NUTM2F: variants seen among roughly 807,000 people sequenced by gnomAD.
NUTM2F encodes family with sequence similarity 22, member F.
A neutral mutation model predicts 43.3 loss-of-function variants in NUTM2F; 22 were observed. The observed-to-expected ratio is 0.51, with a 90% confidence interval of 0.36 to 0.73. The LOEUF (loss-of-function observed/expected upper bound fraction) is 0.73. NUTM2F is among the 30% of genes least tolerant of loss of function. The probability of loss-of-function intolerance (pLI) is 0.00; values close to 1 mark genes in which losing one functional copy is unlikely to be tolerated. For missense variants in NUTM2F, 488 were observed against 927.4 expected (o/e 0.53, Z 6.15); for synonymous variants, 202 against 389.0 (o/e 0.52, Z 5.66).
At chr9:94,321,931 G>A (rs549055163) in intron 3 of NUTM2F, among the ~76,000 whole-genome samples, 1 of 151,736 alleles carries the variant, frequency 6.6e-6, no homozygotes, top group African/African-American at 2.4e-5. Context: ...TTTGGGCTGC[G>A]ATGCTGGCTG....
Position 94,325,516 on chromosome 9 carries a change from C to T in NUTM2F, c.435G>A (p.Gln145=). ...CATGGGACCAGCCTCCCTCACAGGC[C>T]TGGGTGCCCCCAACCACCTGGGCAG... The part of the protein sequence containing the change: ...VTSAQVVGGT[Q]ACEGGWSHGL... Residue 145 remains glutamine, a synonymous_variant, in exon 2 of 7, where the codon CAG becomes CAA. Transcript: ENST00000253262. The T allele has an allele frequency of 2.9e-6, 4 of 1,365,276 alleles. No homozygotes were observed. The highest frequency in any genetic ancestry group is 3.9e-6 in the Non-Finnish European group (4 of 1,017,776). 84.6% of individuals were successfully genotyped at this position (1,365,276 alleles called of 1,614,324 possible). A position where few individuals can be genotyped will look rare whatever the true frequency, so the allele number is the denominator to read the frequency against.
intron 2 of NUTM2F, among the ~76,000 whole-genome samples, chr9:94,323,752 C>T (rs1422487750): frequency 3.9e-5 from 6 of 152,142 alleles, no homozygotes; most frequent in South Asian, 2.1e-4. Flanking sequence ...GGGGGATTGA[C>T]GGTGAAGATG....
At position 94,320,953 on chromosome 9, in the gene NUTM2F, C is replaced by A; in HGVS notation, c.982+140G>T. 3 of 1,421,698 alleles carry A rather than the reference C, an allele frequency of 2.1e-6. No homozygotes were observed. Among genetic ancestry groups the A allele is most frequent in the South Asian group, 1.5e-5 (1 of 68,440 alleles). 88.1% of individuals were successfully genotyped at this position (1,421,698 alleles called of 1,614,324 possible). ...AAGTAGGTATTCACCTGGTCAATAC[C>A]CAACATACACTCCCGGAAGCTGTCC... On this transcript the variant is annotated intron_variant, in intron 4 of 6. Transcript: ENST00000253262. This position sits in a 1 kb window ranked among gnomAD's most constrained non-coding sequence, Gnocchi z 4.5.
intron 3 of NUTM2F, among the ~76,000 whole-genome samples, chr9:94,321,993 G>A (rs2118727841): frequency 6.6e-6 from 1 of 151,448 alleles, no homozygotes; most frequent in African/African-American, 2.4e-5. Context: ...AGGCCAGGCA[G>A]GGGGTGCTTC....
intron 1 of NUTM2F, among the ~76,000 whole-genome samples, chr9:94,327,082 G>A (rs1264476537): frequency 6.8e-6 from 1 of 146,948 alleles, no homozygotes; most frequent in Non-Finnish European, 1.5e-5. Context: ...ATCAGGGGAG[G>A]TGTCTAGGGA....
intron 2 of NUTM2F, among the ~76,000 whole-genome samples, chr9:94,322,769 G>A (rs1341992554): frequency 3.9e-5 from 6 of 151,910 alleles, no homozygotes; most frequent in Non-Finnish European, 7.4e-5. Context: ...CACAGCCAGA[G>A]GCAGCTCTCT....
rs1198106227 is a variant in NUTM2F at position 94,322,327 on chromosome 9, G to A, written c.716C>T (p.Pro239Leu). The A allele has an allele frequency of 6.2e-7, 1 of 1,611,870 alleles. No individual in the cohort carries two copies. The highest frequency in any genetic ancestry group is 8.5e-7 in the Non-Finnish European group (1 of 1,179,814). The change falls in exon 3 of 7, where the codon CCA becomes CTA. Residue 239 changes from proline to leucine, a missense_variant and splice_region_variant. Transcript: ENST00000253262. ...CCGCCGGGCCAGGGATCGGAGAACT[G>A]GGCTGTAAACCAGTGCAGTCAGTCC... ...DTEALSCFLI[P>L]VLRSLARRKP...
At chr9:94,327,812 A>G (rs541081328) in intron 1 of NUTM2F, among the ~76,000 whole-genome samples, 10 of 146,000 alleles carry the variant, frequency 6.8e-5, no homozygotes. Flanking sequence ...AACAGGAGCA[A>G]ATTCTTCACC....
At position 94,325,800 on chromosome 9, in the gene NUTM2F, C is replaced by T. The variant is rs533969689; in HGVS notation, c.151G>A (p.Ala51Thr). ...AAGGCAGAGAGCACCAGAGGGCCGG[C>T]TGGAGGAACCACTGCAGTCACGAGG... ...PPLVTAVVPP[A>T]GPLVLSAFPS... Residue 51 changes from alanine to threonine, a missense_variant, in exon 2 of 7, where the codon GCC (alanine) becomes ACC (threonine). By Grantham distance (58) the Ala-to-Thr change is moderately conservative. Coordinates refer to ENST00000253262, the MANE Select transcript of NUTM2F (RefSeq NM_017561.2). 6.2e-7 allele frequency: 1 copy of T among 1,612,150 alleles called. No homozygotes were observed. Among genetic ancestry groups the T allele is most frequent in the Admixed American group, 1.7e-5 (1 of 60,018 alleles).
chr9:94,322,573 T>G (rs928721649), intron 2 of NUTM2F, among the ~76,000 whole-genome samples: 6 of 152,222 alleles, frequency 3.9e-5, no homozygotes, highest in African/African-American at 1.4e-4. Flanking sequence ...ACAAGCGAAC[T>G]CAGTGCTATG....
intron 1 of NUTM2F, 86 bp downstream of exon 1, chr9:94,328,521 AG>A (rs2118746438): frequency 6.2e-7 from 1 of 1,600,088 alleles, no homozygotes; most frequent in South Asian, 1.1e-5. Context: ...CAGCCCTATA[AG>A]CTGTCCCCAG....
chr9:94,323,980 TA>T (rs1038001140), intron 2 of NUTM2F, among the ~76,000 whole-genome samples: 5 of 152,136 alleles, frequency 3.3e-5, no homozygotes, highest in Non-Finnish European at 5.9e-5. Context: ...CTCAAAGACC[TA>T]AACCCAGGGT....
intron 2 of NUTM2F, among the ~76,000 whole-genome samples, chr9:94,323,615 G>A (rs947117946): frequency 2.0e-5 from 3 of 152,204 alleles, no homozygotes; most frequent in Non-Finnish European, 4.4e-5. Flanking sequence ...AATGGGGACA[G>A]TAATCATAAC....
chr9:94,326,024 G>A (rs1237839706), intron 1 of NUTM2F, 90 bp from the exon 2 acceptor site: 14 of 1,433,058 alleles, frequency 9.8e-6, no homozygotes. Flanking sequence ...ACAGCTGAGG[G>A]CATGTGACAG....
chr9:94,321,324 G>A (rs1831363764), intron 3 of NUTM2F, 92 bp from the exon 4 acceptor site: 2 of 1,529,372 alleles, frequency 1.3e-6, no homozygotes, highest in East Asian at 2.4e-5. Flanking sequence ...ATGGGAGGGA[G>A]TGCCTCCGGC....
intron 5 of NUTM2F, among the ~76,000 whole-genome samples, 166 bp from the exon 6 acceptor site, chr9:94,319,895 A>G (rs1325935699): frequency 6.6e-6 from 1 of 152,124 alleles, no homozygotes; most frequent in Non-Finnish European, 1.5e-5. Context: ...CAGACCTCGT[A>G]GCATACACAC....
intron 3 of NUTM2F, 23 bp downstream of exon 3, chr9:94,322,178 T>C (rs541171434): frequency 2.7e-5 from 43 of 1,611,816 alleles, no homozygotes; most frequent in Middle Eastern, 2.3e-4. Context: ...ACACGGGCCC[T>C]GCCCCCAGGA....
intron 1 of NUTM2F, among the ~76,000 whole-genome samples, chr9:94,327,135 G>C (rs367598999): frequency 7.4e-6 from 1 of 134,928 alleles, no homozygotes; most frequent in African/African-American, 2.8e-5. Flanking sequence ...ACGGAGTCTC[G>C]CTCTGTCACC....
rs1474356698 is a variant in NUTM2F at position 94,327,278 on chromosome 9, A to G, written c.16+1330T>C. 2.0e-5 allele frequency among the ~76,000 whole-genome samples: 3 copies of G among 151,518 alleles called. No homozygotes were observed. In the East Asian group the frequency reaches 5.9e-4, roughly 30 times the overall value. On this transcript the variant is annotated intron_variant, in intron 1 of 6. Coordinates refer to ENST00000253262, the MANE Select transcript of NUTM2F (RefSeq NM_017561.2). ...GCCACCATGCCCAGCCAATTTTTGTATTTTTAGTAGAGACGGGGTTTCACC... is the reference window on the plus strand; with the variant it reads ...GCCACCATGCCCAGCCAATTTTTGTGTTTTTAGTAGAGACGGGGTTTCACC...
Sources: gnomAD v4.1 joint callset for allele counts (sites outside exome capture counted in the v4.1 genomes callset) on GRCh38, gnomAD v4.1.1 for gene constraint, Gnocchi (gnomAD v3.1) non-coding constraint, MANE v1.5 for transcripts, NCBI Gene and HGNC (gene_info 2026-07-23, HGNC 2026-07-21) for gene names.